Variants in GPR158 observed in about 807,000 individuals in gnomAD.
The protein encoded by GPR158 is G protein-coupled receptor 158.
Under a neutral mutation model 78.2 loss-of-function variants are expected in GPR158, and 30 were observed. The observed-to-expected ratio is 0.38, with a 90% CI of 0.29 to 0.52. The LOEUF (loss-of-function observed/expected upper bound fraction) is 0.52, where lower values mean the gene tolerates loss of function less well. GPR158 is among the 20% of genes least tolerant of loss of function. The pLI, the probability that GPR158 is intolerant of heterozygous loss-of-function variation, is 0.83. For synonymous variants in GPR158, 581 were observed against 591.1 expected, an observed-to-expected ratio of 0.98 and a Z score of 0.25; for missense variants, 1,463 against 1,523.5, an observed-to-expected ratio of 0.96 and a Z score of 0.66.
At chr10:25,412,156 G>T in intron 3 of GPR158, 94 bp from the exon 4 acceptor site, 1 of 827,466 alleles carries the variant, frequency 1.2e-6, no homozygotes, top group Non-Finnish European at 2.1e-6. Flanking sequence ...AGTGAGAAAA[G>T]GAATGAGGAG....
intron 5 of GPR158, among the ~76,000 whole-genome samples, chr10:25,548,849 C>G (rs1226731142): frequency 6.6e-6 from 1 of 152,134 alleles, no homozygotes; most frequent in Non-Finnish European, 1.5e-5. Context: ...ATTGTTATTT[C>G]ATGTATTTCT....
chr10:25,424,968 C>G (rs1834800068), intron 4 of GPR158, among the ~76,000 whole-genome samples: 2 of 152,120 alleles, frequency 1.3e-5, no homozygotes, highest in Admixed American at 1.3e-4. Context: ...TATAATTTAC[C>G]TTGGGCAGTA....
At chr10:25,560,885 A>C (rs1836851075) in intron 6 of GPR158, among the ~76,000 whole-genome samples, 2 of 152,326 alleles carry the variant, frequency 1.3e-5, no homozygotes, top group South Asian at 4.1e-4. Context: ...TTCAATCTGG[A>C]CAATCTTGAT....
At position 25,600,807 on chromosome 10, in the gene GPR158, A is replaced by G. The variant is rs1231298590; in HGVS notation, c.*1533A>G. The G allele has an allele frequency of 6.6e-6, 1 of 152,274 alleles. No homozygotes were observed. The highest frequency in any genetic ancestry group is 2.4e-5 in the African/African-American group (1 of 41,448). The allele number at this position is 152,274 out of a possible 1,614,324, so 9.4% of individuals were successfully genotyped here. A position where few individuals can be genotyped will look rare whatever the true frequency, so the allele number is the denominator to read the frequency against. Reference sequence around the variant, plus strand: ...TGCAAAGCAAAGCAGCCCCCAAAGCATATTTTATAAAGCTTATTGCATTCC... The same window carrying G: ...TGCAAAGCAAAGCAGCCCCCAAAGCGTATTTTATAAAGCTTATTGCATTCC... On this transcript the variant is annotated 3_prime_UTR_variant, in exon 11 of 11. Coordinates refer to ENST00000376351, the MANE Select transcript of GPR158 (RefSeq NM_020752.3).
intron 2 of GPR158, among the ~76,000 whole-genome samples, chr10:25,347,743 C>T (rs935395259): frequency 5.9e-5 from 9 of 151,954 alleles, no homozygotes; most frequent in African/African-American, 9.7e-5. Context: ...CTTTACATAG[C>T]ATTTTGAACT....
intron 2 of GPR158, among the ~76,000 whole-genome samples, chr10:25,254,501 C>T (rs950370199): frequency 1.1e-4 from 17 of 151,872 alleles, no homozygotes; most frequent in Admixed American, 9.2e-4. Flanking sequence ...TAATAATTTC[C>T]GTGTAGTCAC....
intron 5 of GPR158, among the ~76,000 whole-genome samples, chr10:25,530,696 A>G (rs1836411963): frequency 6.6e-6 from 1 of 152,240 alleles, no homozygotes; most frequent in African/African-American, 2.4e-5. Flanking sequence ...TCTTGATGTG[A>G]TAACACTTAA....
chr10:25,558,843 C>T (rs75565417), intron 6 of GPR158, among the ~76,000 whole-genome samples: 2 of 152,288 alleles, frequency 1.3e-5, no homozygotes, highest in Non-Finnish European at 2.9e-5. Context: ...ATTCCATTGT[C>T]GTGAGAGCAC....
intron 1 of GPR158, among the ~76,000 whole-genome samples, chr10:25,213,654 G>A (rs1853165705): frequency 2.0e-5 from 3 of 151,636 alleles, no homozygotes; most frequent in Admixed American, 2.0e-4. Context: ...CTTTTTTTGT[G>A]TGTGAAAACA....
At chr10:25,487,025 A>G (rs1183622707) in intron 5 of GPR158, among the ~76,000 whole-genome samples, 1 of 152,142 alleles carries the variant, frequency 6.6e-6, no homozygotes, top group Non-Finnish European at 1.5e-5. Flanking sequence ...CCCTCTTGGT[A>G]TGTTAGCAAC....
intron 2 of GPR158, among the ~76,000 whole-genome samples, chr10:25,305,098 A>G (rs1356904072): frequency 6.6e-6 from 1 of 152,126 alleles, no homozygotes; most frequent in Non-Finnish European, 1.5e-5. Context: ...TAATCATCCT[A>G]TAGTTTGTTT....
chr10:25,318,747 G>C (rs1346631562), intron 2 of GPR158, among the ~76,000 whole-genome samples: 1 of 152,106 alleles, frequency 6.6e-6, no homozygotes, highest in East Asian at 1.9e-4. Flanking sequence ...TATACTCACT[G>C]TATTTTATTA....
intron 2 of GPR158, among the ~76,000 whole-genome samples, chr10:25,295,211 A>G (rs1379456478): frequency 6.6e-6 from 1 of 152,164 alleles, no homozygotes; most frequent in Non-Finnish European, 1.5e-5. Context: ...TTCAAAGTAC[A>G]TCCAACATCC....
intron 1 of GPR158, among the ~76,000 whole-genome samples, chr10:25,194,212 T>C (rs1287164438): frequency 5.3e-5 from 8 of 152,186 alleles, no homozygotes; most frequent in African/African-American, 1.4e-4. Context: ...CTGAAAGAAC[T>C]GCCAGTAAGA....
chr10:25,258,868 T>C (rs1853927890), intron 2 of GPR158, among the ~76,000 whole-genome samples: 1 of 152,210 alleles, frequency 6.6e-6, no homozygotes, highest in African/African-American at 2.4e-5. Flanking sequence ...GTCTGTAACA[T>C]AAACAGTCAA....
At chr10:25,273,254 C>G (rs188815222) in intron 2 of GPR158, among the ~76,000 whole-genome samples, 2 of 152,142 alleles carry the variant, frequency 1.3e-5, no homozygotes, top group East Asian at 1.9e-4. Flanking sequence ...ATCACTACCT[C>G]TTAACTTAAA....
At chr10:25,437,992 T>C (rs1209720850) in intron 4 of GPR158, among the ~76,000 whole-genome samples, 1 of 152,166 alleles carries the variant, frequency 6.6e-6, no homozygotes, top group Non-Finnish European at 1.5e-5. Context: ...GAACCATGTG[T>C]AACAGACGGG....
intron 3 of GPR158, among the ~76,000 whole-genome samples, chr10:25,407,254 A>G (rs1000999505): frequency 6.6e-6 from 1 of 152,202 alleles, no homozygotes; most frequent in African/African-American, 2.4e-5. Context: ...TTTCTGTTAA[A>G]GTTTTCTGCA....
At chr10:25,383,183 G>A (rs1588837656) in intron 2 of GPR158, among the ~76,000 whole-genome samples, 1 of 152,172 alleles carries the variant, frequency 6.6e-6, no homozygotes, top group East Asian at 1.9e-4. Flanking sequence ...AAGTTACAAA[G>A]AAGGAGTAAA....
Sources: allele counts gnomAD v4.1 joint callset (sites outside exome capture counted in the v4.1 genomes callset), GRCh38; gene constraint gnomAD v4.1.1; transcripts MANE v1.5; gene names NCBI Gene and HGNC (gene_info 2026-07-23, HGNC 2026-07-21).